OSMR: variants seen among roughly 807,000 people sequenced by gnomAD.
OSMR encodes the protein oncostatin M receptor.
A neutral mutation model predicts 99.9 loss-of-function variants in OSMR; 81 were observed. The ratio of observed to expected loss-of-function variants is 0.81; its 90% confidence interval spans 0.68 to 0.97. The LOEUF (loss-of-function observed/expected upper bound fraction) is 0.97, where lower values mean the gene tolerates loss of function less well. Ranked by LOEUF, OSMR falls within the 50% of genes least tolerant of loss-of-function variation. The pLI is 0.00. For synonymous variants in OSMR, 406 were observed against 410.4 expected (o/e 0.99, Z 0.13); for missense variants, 1,099 against 1,153.4 (o/e 0.95, Z 0.68).
chr5:38,861,786 G>A (rs1347593491), intron 1 of OSMR, among the ~76,000 whole-genome samples: 1 of 150,576 alleles, frequency 6.6e-6, no homozygotes, highest in Non-Finnish European at 1.5e-5. Context: ...GCGGCTGGCC[G>A]GGCAGAGGGG....
At chr5:38,891,801 G>A (rs935248437) in intron 7 of OSMR, among the ~76,000 whole-genome samples, 1 of 152,214 alleles carries the variant, frequency 6.6e-6, no homozygotes, top group African/African-American at 2.4e-5. Context: ...GTGCGGAGGA[G>A]TGGCCAGACT....
chr5:38,940,957 C>A (rs1452603723), intron 1 of OSMR: 1 of 232,422 alleles, frequency 4.3e-6, no homozygotes, highest in East Asian at 6.1e-5. Context: ...AAAAAGAATC[C>A]TAATCAGTCC....
chr5:38,865,344 C>G (rs574584267), intron 1 of OSMR, among the ~76,000 whole-genome samples: 30 of 152,242 alleles, frequency 2.0e-4, no homozygotes, highest in African/African-American at 6.7e-4. Context: ...ATCTGAGCAT[C>G]TGGTGAAAGA....
In OSMR at chr5:38,935,417, A is replaced by AGTT. The variant is rs1396698833; in HGVS notation, c.*1976_*1978dup. 1 of 152,102 alleles carries AGTT rather than the reference A, an allele frequency of 6.6e-6. No homozygotes were observed. Among genetic ancestry groups the AGTT allele is most frequent in the African/African-American group, 2.4e-5 (1 of 41,410 alleles). The allele number at this position is 152,102 out of a possible 1,614,324, so 9.4% of individuals were successfully genotyped here. A position where few individuals can be genotyped will look rare whatever the true frequency, so the allele number is the denominator to read the frequency against. On this transcript the variant is annotated 3_prime_UTR_variant, in exon 18 of 18. Transcript: ENST00000274276. ...AAAGCGGTATCCTGATTAGTCTAAC[A>AGTT]GTTGTGTTAGACTTTAGGGCCAGTA...
intron 10 of OSMR, among the ~76,000 whole-genome samples, chr5:38,918,363 C>T (rs1481839726): frequency 1.3e-5 from 2 of 152,072 alleles, no homozygotes; most frequent in African/African-American, 2.4e-5. Flanking sequence ...TCTCTGCAAA[C>T]TGAGGATCTT....
At chr5:38,853,039 T>C (rs1189971149) in intron 1 of OSMR, among the ~76,000 whole-genome samples, 1 of 152,166 alleles carries the variant, frequency 6.6e-6, no homozygotes, top group Non-Finnish European at 1.5e-5. Flanking sequence ...CCCTATTGTT[T>C]TCATTTAAAG....
intron 7 of OSMR, among the ~76,000 whole-genome samples, chr5:38,892,163 G>T (rs1421824383): frequency 6.6e-6 from 1 of 151,778 alleles, no homozygotes; most frequent in Admixed American, 6.5e-5. Flanking sequence ...CCACAGCTGT[G>T]TGTCTTCATT....
intron 9 of OSMR, among the ~76,000 whole-genome samples, chr5:38,913,971 A>G (rs1226922971): frequency 2.6e-5 from 4 of 152,186 alleles, no homozygotes; most frequent in Non-Finnish European, 5.9e-5. Context: ...ACATGTCTTC[A>G]TAATATTTCT....
chr5:38,931,819 AT>A, intron 15 of OSMR, 63 bp from the exon 16 acceptor site: 1 of 1,575,364 alleles, frequency 6.3e-7, no homozygotes, highest in East Asian at 2.3e-5. Context: ...ATAAACTTGT[AT>A]TTATTCCTTT....
chr5:38,888,299 G>T (rs1319480276), intron 7 of OSMR, among the ~76,000 whole-genome samples: 1 of 152,076 alleles, frequency 6.6e-6, no homozygotes, highest in African/African-American at 2.4e-5. Context: ...GGGATATGTG[G>T]GGGCTGCCAT....
At chr5:38,871,243 G>A (rs1191311749) in intron 2 of OSMR, among the ~76,000 whole-genome samples, 1 of 152,178 alleles carries the variant, frequency 6.6e-6, no homozygotes, top group Non-Finnish European at 1.5e-5. Flanking sequence ...TTTACTATGT[G>A]CCTTCTACAT....
intron 1 of OSMR, among the ~76,000 whole-genome samples, chr5:38,867,811 A>C (rs1742061740): frequency 6.6e-6 from 1 of 152,096 alleles, no homozygotes; most frequent in Non-Finnish European, 1.5e-5. Context: ...ACCTCCAAGT[A>C]ATTTAAATTT....
In OSMR at chr5:38,924,652, C is replaced by A. The variant is rs1033651972; in HGVS notation, c.2044+57C>A. 3.7e-6 allele frequency: 5 copies of A among 1,351,064 alleles called. No homozygotes were observed. In the East Asian group the frequency reaches 9.2e-5, roughly 25 times the overall value. 83.7% of individuals were successfully genotyped at this position (1,351,064 alleles called of 1,614,324 possible). A position where few individuals can be genotyped will look rare whatever the true frequency, so the allele number is the denominator to read the frequency against. ...CTTTCAAGATCTCATTATTTGAAATCATTTAAAATAATGGCTGCCATCTCA... is the reference window on the plus strand; with the variant it reads ...CTTTCAAGATCTCATTATTTGAAATAATTTAAAATAATGGCTGCCATCTCA... On this transcript the variant is annotated intron_variant, in intron 14 of 17. Transcript: ENST00000274276.
Position 38,917,561 on chromosome 5 carries a change from C to G in OSMR, c.1301C>G (p.Pro434Arg), listed in dbSNP as rs765237700. 5.0e-6 allele frequency: 8 copies of G among 1,613,672 alleles called. No individual in the cohort carries two copies. The Admixed American group carries it at 1.0e-4, about 20-fold the overall frequency. Reference sequence around the variant, plus strand: ...TTAATTTCAGCTCCCTCAGAGGCCCCTGATGTCTGGAGAATTGTGAGCTTG... The same window carrying G: ...TTAATTTCAGCTCCCTCAGAGGCCCGTGATGTCTGGAGAATTGTGAGCTTG... ...TTLEAAPSEA[P>R]DVWRIVSLEP... The change falls in exon 10 of 18, where the codon CCT (proline) becomes CGT (arginine). Residue 434 changes from proline (P) to arginine (R), a missense_variant. Pro to Arg is a moderately radical substitution (Grantham distance 103). Coordinates refer to ENST00000274276, the MANE Select transcript of OSMR (RefSeq NM_003999.3).
intron 10 of OSMR, 25 bp downstream of exon 10, chr5:38,917,647 C>T: frequency 6.3e-7 from 1 of 1,580,012 alleles, no homozygotes; most frequent in Non-Finnish European, 8.7e-7. Flanking sequence ...TTCCAAAAGT[C>T]TGATTGTTTC....
intron 7 of OSMR, among the ~76,000 whole-genome samples, chr5:38,897,748 C>CAA (rs1230883675): frequency 2.6e-5 from 4 of 152,008 alleles, no homozygotes; most frequent in Non-Finnish European, 5.9e-5. Flanking sequence ...TTGATGTGGG[C>CAA]ACTTATGGCT....
At chr5:38,876,174 T>C in intron 2 of OSMR, 27 bp from the exon 3 acceptor site, 2 of 1,598,896 alleles carry the variant, frequency 1.3e-6, no homozygotes, top group Non-Finnish European at 8.6e-7. Context: ...TTAAATATTA[T>C]TTCATACTTC....
chr5:38,877,385 A>C (rs1200480639), intron 3 of OSMR, among the ~76,000 whole-genome samples: 1 of 152,208 alleles, frequency 6.6e-6, no homozygotes, highest in African/African-American at 2.4e-5. Context: ...CAAGTTAAAT[A>C]AAATTTTGAC....
chr5:38,850,871 T>C lies in OSMR; in HGVS notation c.-14+4484T>C, dbSNP rs143406080. ...AATTTACTTCATATATATACTTCAGTGTGTCTGTCTGTCAGCCGGGGATGG... is the reference window on the plus strand; with the variant it reads ...AATTTACTTCATATATATACTTCAGCGTGTCTGTCTGTCAGCCGGGGATGG... On this transcript the variant is annotated intron_variant, in intron 1 of 17. Coordinates refer to ENST00000274276, the MANE Select transcript of OSMR (RefSeq NM_003999.3). 9.2e-5 allele frequency among the ~76,000 whole-genome samples: 14 copies of C among 152,344 alleles called. No individual in the cohort carries two copies. The East Asian group carries it at 2.5e-3, about 27-fold the overall frequency.
Sources: gnomAD v4.1 joint callset for allele counts (sites outside exome capture counted in the v4.1 genomes callset) on GRCh38, gnomAD v4.1.1 for gene constraint, MANE v1.5 for transcripts, NCBI Gene and HGNC (gene_info 2026-07-23, HGNC 2026-07-21) for gene names.